Variants in BHMT2 observed in about 807,000 individuals in gnomAD.
BHMT2 encodes betaine--homocysteine S-methyltransferase 2.
A neutral mutation model predicts 39.0 loss-of-function variants in BHMT2; 28 were observed. The observed-to-expected ratio is 0.72, with a 90% CI of 0.53 to 0.98. BHMT2 has a LOEUF of 0.98. Among genes scored for constraint, BHMT2 ranks in the 50% least tolerant of loss-of-function variants. BHMT2 has a pLI of 0.00. For synonymous variants in BHMT2, 145 were observed against 160.6 expected (o/e 0.90, Z 0.74); for missense variants, 410 against 455.6 (o/e 0.90, Z 0.91).
At chr5:79,069,939 G>C (rs1755518278) in intron 1 of BHMT2, 124 bp downstream of exon 1, 1 of 1,049,152 alleles carries the variant, frequency 9.5e-7, no homozygotes, top group Non-Finnish European at 1.2e-6. Flanking sequence ...GGACGGGATG[G>C]CCCTGAGCCT....
At chr5:79,081,689 A>T (rs1755791154) in intron 4 of BHMT2, among the ~76,000 whole-genome samples, 1 of 152,130 alleles carries the variant, frequency 6.6e-6, no homozygotes, top group Non-Finnish European at 1.5e-5. Flanking sequence ...GTGAAAGCCC[A>T]TCTCTACTAA....
At chr5:79,081,643 T>C (rs1473491045) in intron 4 of BHMT2, among the ~76,000 whole-genome samples, 1 of 152,142 alleles carries the variant, frequency 6.6e-6, no homozygotes, top group Non-Finnish European at 1.5e-5. Context: ...GTGGATGGCA[T>C]GAGGTCAGGA....
chr5:79,085,641 C>T (rs1332042810), intron 7 of BHMT2, among the ~76,000 whole-genome samples: 1 of 152,096 alleles, frequency 6.6e-6, no homozygotes, highest in Admixed American at 6.6e-5. Flanking sequence ...AAGATTGTGC[C>T]ACTTAACTCT....
rs115604347 is a variant in BHMT2 at position 79,073,321 on chromosome 5, A to T, written c.33+3506A>T. Among the ~76,000 whole-genome samples, 629 of 152,300 alleles carry T rather than the reference A, an allele frequency of 4.1e-3. 6 individuals are homozygous for T. The highest frequency in any genetic ancestry group is 0.014 in the African/African-American group (584 of 41,560). On this transcript the variant is annotated intron_variant, in intron 1 of 7. Coordinates refer to ENST00000255192, the MANE Select transcript of BHMT2 (RefSeq NM_017614.5). ...AAGTGTATGGGATTTTCAGGAAAACAGTTTGTACACAGTAACTGTACCTCT... is the reference window on the plus strand; with the variant it reads ...AAGTGTATGGGATTTTCAGGAAAACTGTTTGTACACAGTAACTGTACCTCT...
chr5:79,076,995 A>C (rs189422113), intron 1 of BHMT2, among the ~76,000 whole-genome samples: 1 of 152,318 alleles, frequency 6.6e-6, no homozygotes, highest in African/African-American at 2.4e-5. Context: ...GTGGGCGTCT[A>C]TGTCAGGAAA....
chr5:79,079,366 T>C lies in BHMT2; in HGVS notation c.167-3T>C. On this transcript the variant is annotated splice_region_variant and splice_polypyrimidine_tract_variant and intron_variant, in intron 2 of 7. Coordinates refer to ENST00000255192, the MANE Select transcript of BHMT2 (RefSeq NM_017614.5). The stretch of plus-strand genomic sequence containing the variant: ...CAATGTTTAAAACCCAACTACTTTG[T>C]AGTTCGTCAACTTCACATGGAATTC... The C allele has an allele frequency of 6.2e-7, 1 of 1,604,686 alleles. No homozygotes were observed. Among genetic ancestry groups the C allele is most frequent in the Non-Finnish European group, 8.5e-7 (1 of 1,173,244 alleles).
At chr5:79,084,788 A>G (rs1755863477) in intron 7 of BHMT2, among the ~76,000 whole-genome samples, 1 of 152,238 alleles carries the variant, frequency 6.6e-6, no homozygotes, top group Non-Finnish European at 1.5e-5. Flanking sequence ...ATAACCCTTT[A>G]TGAAAGCTGA....
chr5:79,082,577 G>T (rs776741792), intron 4 of BHMT2: 8 of 359,852 alleles, frequency 2.2e-5, no homozygotes, highest in Non-Finnish European at 3.9e-5. Context: ...TCATCTCACT[G>T]AATCAATGAA....
intron 1 of BHMT2, among the ~76,000 whole-genome samples, chr5:79,070,034 A>G (rs1580242634): frequency 6.6e-6 from 1 of 152,284 alleles, no homozygotes; most frequent in South Asian, 2.1e-4. Context: ...TGCTCAAGTT[A>G]TCTCCTCATC....
At chr5:79,081,309 T>C (rs531540345) in intron 4 of BHMT2, among the ~76,000 whole-genome samples, 2 of 152,324 alleles carry the variant, frequency 1.3e-5, no homozygotes, top group African/African-American at 4.8e-5. Context: ...CCACCAATAA[T>C]GCTCAGCACC....
chr5:79,084,878 G>T (rs1755864650), intron 7 of BHMT2, among the ~76,000 whole-genome samples: 1 of 152,012 alleles, frequency 6.6e-6, no homozygotes, highest in African/African-American at 2.4e-5. Flanking sequence ...TATTTCTTCT[G>T]TTGGATATCT....
intron 4 of BHMT2, among the ~76,000 whole-genome samples, chr5:79,081,644 G>T (rs1755790750): frequency 6.6e-6 from 1 of 152,188 alleles, no homozygotes; most frequent in Admixed American, 6.5e-5. Flanking sequence ...TGGATGGCAT[G>T]AGGTCAGGAA....
At chr5:79,087,014 G>GTGTATATATATATATATA (rs1329456863) in intron 7 of BHMT2, among the ~76,000 whole-genome samples, 3 of 118,310 alleles carry the variant, frequency 2.5e-5, no homozygotes, top group Admixed American at 1.8e-4. Context: ...GTGTGTGTGT[G>GTGTATATATATATATATA]TATATATATA....
Position 79,083,702 on chromosome 5 carries a change from T to C in BHMT2, c.856T>C (p.Tyr286His). 6.2e-7 allele frequency: 1 copy of C among 1,614,036 alleles called. No individual in the cohort carries two copies. The highest frequency in any genetic ancestry group is 8.5e-7 in the Non-Finnish European group (1 of 1,180,004). The change falls in exon 7 of 8, where the codon TAC (tyrosine) becomes CAC (histidine). Residue 286 changes from tyrosine to histidine, a missense_variant. By Grantham distance (83) the Tyr-to-His change is moderately conservative (BLOSUM62 2). Coordinates refer to ENST00000255192, the MANE Select transcript of BHMT2 (RefSeq NM_017614.5). ...AREAYNLGVRYIGGCCGFEPY... is the reference protein window; with the variant it reads ...AREAYNLGVRHIGGCCGFEPY... ...AGAGGCCTACAACCTGGGGGTCAGGTACATTGGCGGGTGCTGTGGATTTGA... is the reference window on the plus strand; with the variant it reads ...AGAGGCCTACAACCTGGGGGTCAGGCACATTGGCGGGTGCTGTGGATTTGA...
chr5:79,083,422 T>A, intron 6 of BHMT2, 48 bp downstream of exon 6: 2 of 1,536,186 alleles, frequency 1.3e-6, no homozygotes, highest in African/African-American at 1.4e-5. Flanking sequence ...CGTGACAAAA[T>A]CCAAATGGCT....
At chr5:79,080,199 A>C (rs897229557) in intron 3 of BHMT2, among the ~76,000 whole-genome samples, 1 of 152,238 alleles carries the variant, frequency 6.6e-6, no homozygotes, top group African/African-American at 2.4e-5. Flanking sequence ...TGCATTGAGC[A>C]TTGGTTTTCT....
chr5:79,076,079 G>T (rs1755665786), intron 1 of BHMT2, among the ~76,000 whole-genome samples: 1 of 152,070 alleles, frequency 6.6e-6, no homozygotes, highest in African/African-American at 2.4e-5. Context: ...GATCACACAT[G>T]GGCTTGGAGA....
intron 7 of BHMT2, among the ~76,000 whole-genome samples, chr5:79,085,056 C>A (rs1027784727): frequency 6.6e-6 from 1 of 152,110 alleles, no homozygotes; most frequent in African/African-American, 2.4e-5. Flanking sequence ...CCATACTTTA[C>A]TATCATCAAG....
chr5:79,089,872 G>A lies in BHMT2; in HGVS notation c.*1298G>A, dbSNP rs542009281. The stretch of plus-strand genomic sequence containing the variant: ...TAATCCCAGCTACTTGGAGGCTGAG[G>A]CATGAGAATTGCTTGAACCTGGGAG... On this transcript the variant is annotated 3_prime_UTR_variant, in exon 8 of 8. Transcript: ENST00000255192. Among the ~76,000 whole-genome samples, 1 of 152,296 alleles carries A rather than the reference G, an allele frequency of 6.6e-6. No individual in the cohort carries two copies. The highest frequency in any genetic ancestry group is 1.9e-4 in the East Asian group (1 of 5,172).
Sources: allele counts gnomAD v4.1 joint callset (sites outside exome capture counted in the v4.1 genomes callset), GRCh38; gene constraint gnomAD v4.1.1; transcripts MANE v1.5; gene names NCBI Gene and HGNC (gene_info 2026-07-23, HGNC 2026-07-21).